The following TRABD2B variants were observed in gnomAD, a reference collection of about 807,000 sequenced individuals.
TRABD2B encodes TraB domain containing 2B.
A neutral mutation model predicts 40.1 loss-of-function variants in TRABD2B; 14 were observed. That is an observed-to-expected ratio of 0.35 (90% CI 0.23 to 0.55). TRABD2B has a LOEUF of 0.55. Ranked by LOEUF, TRABD2B falls within the 20% of genes least tolerant of loss-of-function variation. The probability of loss-of-function intolerance (pLI) is 0.90; values close to 1 mark genes in which losing one functional copy is unlikely to be tolerated. For missense variants in TRABD2B, 541 were observed against 648.6 expected, an observed-to-expected ratio of 0.83 and a Z score of 1.80; for synonymous variants, 263 against 277.0, an observed-to-expected ratio of 0.95 and a Z score of 0.50.
chr1:47,955,630 C>T (rs1215239076), intron 2 of TRABD2B, among the ~76,000 whole-genome samples: 1 of 152,190 alleles, frequency 6.6e-6, no homozygotes, highest in African/African-American at 2.4e-5. Flanking sequence ...TGATTCCTTC[C>T]TCTGCCTGGA....
intron 2 of TRABD2B, among the ~76,000 whole-genome samples, chr1:47,832,168 T>C (rs1478967008): frequency 1.3e-5 from 2 of 151,912 alleles, no homozygotes; most frequent in Non-Finnish European, 2.9e-5. Context: ...CCATCTCTAC[T>C]AAAAAAATAC....
chr1:47,917,833 A>G (rs1414199484), intron 2 of TRABD2B, among the ~76,000 whole-genome samples: 4 of 152,014 alleles, frequency 2.6e-5, no homozygotes, highest in Non-Finnish European at 5.9e-5. Flanking sequence ...ATGATCTATG[A>G]CATGCATGTT....
intron 2 of TRABD2B, among the ~76,000 whole-genome samples, chr1:47,862,529 C>G (rs1175040750): frequency 6.7e-6 from 1 of 148,440 alleles, no homozygotes; most frequent in Non-Finnish European, 1.5e-5. Flanking sequence ...AGGTATAAAT[C>G]TAACAAAATA....
chr1:47,843,804 T>C (rs1207529541), intron 2 of TRABD2B, among the ~76,000 whole-genome samples: 2 of 152,184 alleles, frequency 1.3e-5, no homozygotes, highest in Non-Finnish European at 2.9e-5. Flanking sequence ...AGGACTCCCT[T>C]GCAGGAGAAG....
intron 2 of TRABD2B, among the ~76,000 whole-genome samples, chr1:47,971,729 C>G (rs984503218): frequency 2.0e-5 from 3 of 152,196 alleles, no homozygotes; most frequent in Admixed American, 2.0e-4. Flanking sequence ...GATACAGCCT[C>G]AAACAATGAG....
Position 47,996,568 on chromosome 1 carries a change from C to CG in TRABD2B, c.102+119dup. 2 of 1,125,622 alleles carry CG rather than the reference C, an allele frequency of 1.8e-6. No homozygotes were observed. Among genetic ancestry groups the CG allele is most frequent in the Non-Finnish European group, 2.2e-6 (2 of 906,626 alleles). The allele number at this position is 1,125,622 out of a possible 1,614,324, so 69.7% of individuals were successfully genotyped here. On this transcript the variant is annotated intron_variant, in intron 1 of 6. Coordinates refer to ENST00000606738, the MANE Select transcript of TRABD2B (RefSeq NM_001194986.2). This position sits in a 1 kb window ranked among gnomAD's most constrained non-coding sequence, Gnocchi z 4.6. ...AAGGAAGGGCGCCCGAGGCTGCGCCCGGGGGGTGGAGGTGGAGCGGGCGGG... is the reference window on the plus strand; with the variant it reads ...AAGGAAGGGCGCCCGAGGCTGCGCCCGGGGGGGTGGAGGTGGAGCGGGCGGG...
intron 2 of TRABD2B, among the ~76,000 whole-genome samples, chr1:47,971,837 C>T (rs562061700): frequency 6.6e-6 from 1 of 152,296 alleles, no homozygotes; most frequent in South Asian, 2.1e-4. Flanking sequence ...CACTCTCACC[C>T]CAGATGAAAC....
At position 47,799,396 on chromosome 1, in the gene TRABD2B, C is replaced by T. The variant is rs144328031; in HGVS notation, c.813+2077G>A. Among the ~76,000 whole-genome samples, 85 of 152,316 alleles carry T rather than the reference C, an allele frequency of 5.6e-4. 1 individual carries two copies. In the East Asian group the frequency reaches 0.012, roughly 21 times the overall value. ...CTAGGAGCCTCGTGGTGTCAGGGTGCTTCTCTCCACCCTCACTTCTCTGCC... is the reference window on the plus strand; with the variant it reads ...CTAGGAGCCTCGTGGTGTCAGGGTGTTTCTCTCCACCCTCACTTCTCTGCC... On this transcript the variant is annotated intron_variant, in intron 3 of 6. Coordinates refer to ENST00000606738, the MANE Select transcript of TRABD2B (RefSeq NM_001194986.2).
At chr1:47,861,687 T>G (rs923543543) in intron 2 of TRABD2B, among the ~76,000 whole-genome samples, 4 of 152,062 alleles carry the variant, frequency 2.6e-5, no homozygotes, top group Non-Finnish European at 4.4e-5. Context: ...TGCCAAACAT[T>G]TAGGAAAGAG....
chr1:47,956,360 C>T (rs372482638), intron 2 of TRABD2B, among the ~76,000 whole-genome samples: 171 of 152,272 alleles, frequency 1.1e-3, no homozygotes, highest in African/African-American at 3.9e-3. Context: ...TGGGGCTTGT[C>T]GGACAGTGGG....
At chr1:47,927,809 C>CA (rs1457816507) in intron 2 of TRABD2B, among the ~76,000 whole-genome samples, 1 of 152,192 alleles carries the variant, frequency 6.6e-6, no homozygotes, top group African/African-American at 2.4e-5. Flanking sequence ...CTGATCTTTG[C>CA]ATAGAAACTG....
intron 2 of TRABD2B, among the ~76,000 whole-genome samples, chr1:47,939,133 A>ACC (rs150627849): frequency 2.6e-5 from 4 of 151,618 alleles, no homozygotes; most frequent in African/African-American, 9.7e-5. Flanking sequence ...CCTAATGCCA[A>ACC]CCCCCCCACC....
intron 2 of TRABD2B, 68 bp from the exon 3 acceptor site, chr1:47,801,687 C>T (rs376417468): frequency 1.3e-6 from 2 of 1,487,372 alleles, no homozygotes; most frequent in East Asian, 2.5e-5. Context: ...TAGGACTGAC[C>T]CTCCTCCCTC....
intron 2 of TRABD2B, among the ~76,000 whole-genome samples, chr1:47,933,900 T>G (rs1217092300): frequency 1.3e-5 from 2 of 152,218 alleles, no homozygotes; most frequent in Non-Finnish European, 2.9e-5. Flanking sequence ...AACACAAGTT[T>G]GTGGTTATTG....
In TRABD2B at chr1:47,888,461, C is replaced by T. The variant is rs143694685; in HGVS notation, c.667-86842G>A. Among the ~76,000 whole-genome samples, 169 of 152,296 alleles carry T rather than the reference C, an allele frequency of 1.1e-3. 1 individual carries two copies. In the East Asian group the frequency reaches 0.03, roughly 27 times the overall value. ...CACCCCATACAAGGCTGGGCACTGG[C>T]TGCAGAGAGGAGGAGCCTGTGGTCC... On this transcript the variant is annotated intron_variant, in intron 2 of 6. Coordinates refer to ENST00000606738, the MANE Select transcript of TRABD2B (RefSeq NM_001194986.2).
At chr1:47,901,799 C>T (rs12739172) in intron 2 of TRABD2B, among the ~76,000 whole-genome samples, 69,954 of 152,036 alleles carry the variant, frequency 0.46, 17,893 homozygotes, top group Middle Eastern at 0.62. Context: ...GAGACAGGCA[C>T]GTTGGCAGTC....
intron 2 of TRABD2B, among the ~76,000 whole-genome samples, chr1:47,901,294 C>T (rs1454492088): frequency 6.6e-6 from 1 of 152,226 alleles, no homozygotes; most frequent in African/African-American, 2.4e-5. Flanking sequence ...ATAAAGGGAT[C>T]TGCCATTATC....
intron 2 of TRABD2B, among the ~76,000 whole-genome samples, chr1:47,990,705 G>A (rs1645988417): frequency 6.9e-6 from 1 of 145,084 alleles, no homozygotes; most frequent in Non-Finnish European, 1.5e-5. Flanking sequence ...CTGCCCCATT[G>A]GATGGATGGG....
intron 2 of TRABD2B, among the ~76,000 whole-genome samples, chr1:47,874,667 A>G (rs1644197637): frequency 1.3e-5 from 2 of 151,440 alleles, no homozygotes; most frequent in Admixed American, 1.3e-4. Flanking sequence ...TCTTGGGCTC[A>G]AGGGATCCTC....
Sources: allele counts gnomAD v4.1 joint callset (sites outside exome capture counted in the v4.1 genomes callset), GRCh38; gene constraint gnomAD v4.1.1; non-coding constraint Gnocchi (gnomAD v3.1); transcripts MANE v1.5; gene names NCBI Gene and HGNC (gene_info 2026-07-23, HGNC 2026-07-21).